The following TRABD2B variants were observed in gnomAD, a reference collection of about 807,000 sequenced individuals.
TRABD2B encodes metalloprotease TIKI2.
In TRABD2B, 14 loss-of-function variants were observed where a neutral mutation model predicts 40.1. The observed-to-expected ratio is 0.35, with a 90% CI of 0.23 to 0.55. The LOEUF is 0.55. TRABD2B is among the 20% of genes least tolerant of loss of function. TRABD2B has a pLI of 0.90. For synonymous variants in TRABD2B, 263 were observed against 277.0 expected, an observed-to-expected ratio of 0.95 and a Z score of 0.50; for missense variants, 541 against 648.6, an observed-to-expected ratio of 0.83 and a Z score of 1.80.
intron 2 of TRABD2B, among the ~76,000 whole-genome samples, chr1:47,808,285 A>T (rs184678369): frequency 4.7e-4 from 72 of 151,688 alleles, no homozygotes; most frequent in Middle Eastern, 3.4e-3. Flanking sequence ...AATGTCACCA[A>T]CACTACGTGT....
intron 2 of TRABD2B, among the ~76,000 whole-genome samples, chr1:47,950,877 C>T (rs949731317): frequency 1.3e-5 from 2 of 152,192 alleles, no homozygotes; most frequent in Non-Finnish European, 2.9e-5. Flanking sequence ...ACTCCACTGG[C>T]AGTGGTGAGG....
chr1:47,871,078 T>G (rs1400379243), intron 2 of TRABD2B, among the ~76,000 whole-genome samples: 1 of 152,200 alleles, frequency 6.6e-6, no homozygotes, highest in African/African-American at 2.4e-5. Flanking sequence ...TCTAAGTGCT[T>G]TACATGTGTT....
At chr1:47,880,235 G>C (rs1157363262) in intron 2 of TRABD2B, among the ~76,000 whole-genome samples, 1 of 152,158 alleles carries the variant, frequency 6.6e-6, no homozygotes, top group African/African-American at 2.4e-5. Context: ...AGAATTGCTT[G>C]AGCCCAGGAG....
At chr1:47,893,635 C>T (rs954854279) in intron 2 of TRABD2B, among the ~76,000 whole-genome samples, 1 of 152,142 alleles carries the variant, frequency 6.6e-6, no homozygotes, top group African/African-American at 2.4e-5. Context: ...AGAGGGGAGC[C>T]CTTGTGTTTG....
chr1:47,976,917 C>A (rs1645763932), intron 2 of TRABD2B, among the ~76,000 whole-genome samples: 1 of 152,114 alleles, frequency 6.6e-6, no homozygotes, highest in Non-Finnish European at 1.5e-5. Context: ...AGTGGTAACA[C>A]CTTACATAAC....
At chr1:47,772,490 T>C (rs957547930) in intron 6 of TRABD2B, among the ~76,000 whole-genome samples, 2 of 151,632 alleles carry the variant, frequency 1.3e-5, no homozygotes, top group Non-Finnish European at 2.9e-5. Flanking sequence ...GGGGGCACTG[T>C]AGGACCCCAG....
rs139821820 is a variant in TRABD2B at position 47,782,596 on chromosome 1, C to T, written c.989-4052G>A. On this transcript the variant is annotated intron_variant, in intron 4 of 6. Coordinates refer to ENST00000606738, the MANE Select transcript of TRABD2B (RefSeq NM_001194986.2). ...TCCATATCCTTTCCATGATCTCATCCTATCCCCAGGAGACCTGAGCTCATG... is the reference window on the plus strand; with the variant it reads ...TCCATATCCTTTCCATGATCTCATCTTATCCCCAGGAGACCTGAGCTCATG... 2.4e-3 allele frequency among the ~76,000 whole-genome samples: 367 copies of T among 152,298 alleles called. 3 individuals carry two copies. Among genetic ancestry groups the T allele is most frequent in the African/African-American group, 8.3e-3 (346 of 41,556 alleles).
chr1:47,978,128 T>G (rs940210767), intron 2 of TRABD2B, among the ~76,000 whole-genome samples: 1 of 152,130 alleles, frequency 6.6e-6, no homozygotes, highest in Non-Finnish European at 1.5e-5. Flanking sequence ...GGGGAGGTCA[T>G]TAGGTCTTGA....
chr1:47,938,871 T>G (rs923575281), intron 2 of TRABD2B, among the ~76,000 whole-genome samples: 1 of 152,110 alleles, frequency 6.6e-6, no homozygotes, highest in Non-Finnish European at 1.5e-5. Context: ...AGGAGGAGGA[T>G]AAGAGGTTGA....
rs1365892342 is a variant in TRABD2B at position 47,996,720 on chromosome 1, G to C, written c.70C>G (p.Pro24Ala). 3 of 1,228,534 alleles carry C rather than the reference G, an allele frequency of 2.4e-6. No individual in the cohort carries two copies. The East Asian group carries it at 9.6e-5, about 39-fold the overall frequency. 76.1% of individuals were successfully genotyped at this position (1,228,534 alleles called of 1,614,324 possible). ...GGCGGCCGGCACTGTCCTCCGTCCG[G>C]GGGCTGCGGGCGGGCGCGAGCGGTG... ...LATARARPQP[P>A]DGGQCRPPGS... is the part of the protein sequence containing the mutation. Residue 24 changes from proline (P) to alanine (A), a missense_variant, in exon 1 of 7, where the codon CCG becomes GCG. Pro to Ala is a conservative substitution (Grantham distance 27, BLOSUM62 -1). This residue lies in a region of TRABD2B where 369 missense variants were observed against 492.8 expected (regional missense o/e 0.75). Transcript: ENST00000606738. This position sits in a 1 kb window ranked among gnomAD's most constrained non-coding sequence, Gnocchi z 4.6.
chr1:47,907,059 C>T (rs1431733531), intron 2 of TRABD2B, among the ~76,000 whole-genome samples: 3 of 152,164 alleles, frequency 2.0e-5, no homozygotes, highest in African/African-American at 2.4e-5. Flanking sequence ...CGGCCGCTGG[C>T]GTGGGGAGGG....
rs1288855149 is a variant in TRABD2B at position 47,761,707 on chromosome 1, G to A, written c.*4195C>T. 1 of 152,242 alleles carries A rather than the reference G, an allele frequency of 6.6e-6. No homozygotes were observed. Among genetic ancestry groups the A allele is most frequent in the Non-Finnish European group, 1.5e-5 (1 of 68,074 alleles). The allele number at this position is 152,242 out of a possible 1,614,324, so 9.4% of individuals were successfully genotyped here. A position where few individuals can be genotyped will look rare whatever the true frequency, so the allele number is the denominator to read the frequency against. On this transcript the variant is annotated 3_prime_UTR_variant, in exon 7 of 7. Coordinates refer to ENST00000606738, the MANE Select transcript of TRABD2B (RefSeq NM_001194986.2). ...TCTCCTACCACTTCTTCAGCCAGTG[G>A]GCACACTGCCCCTGCTCAAACACCT... is the stretch of plus-strand genomic sequence containing the variant.
intron 2 of TRABD2B, among the ~76,000 whole-genome samples, chr1:47,839,609 T>A (rs533266453): frequency 6.6e-6 from 1 of 152,060 alleles, no homozygotes; most frequent in Non-Finnish European, 1.5e-5. Flanking sequence ...ACACCTCTGA[T>A]GGGAAGGGCA....
At position 47,956,953 on chromosome 1, in the gene TRABD2B, C is replaced by G. The variant is rs529701540; in HGVS notation, c.666+37081G>C. Among the ~76,000 whole-genome samples, 3 of 152,356 alleles carry G rather than the reference C, an allele frequency of 2.0e-5. No homozygotes were observed. The East Asian group carries it at 5.8e-4, about 29-fold the overall frequency. Reference sequence around the variant, plus strand: ...TGAGTAGCCTAACTGGGAGGCACCTCCCACTAGGGGCTGACTGACACCTCA... The same window carrying G: ...TGAGTAGCCTAACTGGGAGGCACCTGCCACTAGGGGCTGACTGACACCTCA... On this transcript the variant is annotated intron_variant, in intron 2 of 6. Transcript: ENST00000606738.
At chr1:47,834,358 T>C (rs1482159576) in intron 2 of TRABD2B, among the ~76,000 whole-genome samples, 1 of 152,212 alleles carries the variant, frequency 6.6e-6, no homozygotes, top group African/African-American at 2.4e-5. Context: ...ACATGGGCTC[T>C]GAGAAGCTCC....
chr1:47,881,102 G>C (rs892229423), intron 2 of TRABD2B, among the ~76,000 whole-genome samples: 1 of 152,202 alleles, frequency 6.6e-6, no homozygotes, highest in African/African-American at 2.4e-5. Flanking sequence ...GGCCTCCACA[G>C]CCAAGAATCT....
intron 2 of TRABD2B, among the ~76,000 whole-genome samples, chr1:47,896,625 A>T (rs1465076561): frequency 6.6e-6 from 1 of 152,112 alleles, no homozygotes; most frequent in African/African-American, 2.4e-5. Flanking sequence ...AGGCTTGGGG[A>T]ACTGGGCTTG....
intron 2 of TRABD2B, among the ~76,000 whole-genome samples, chr1:47,916,222 C>G (rs1476994372): frequency 6.6e-6 from 1 of 152,122 alleles, no homozygotes; most frequent in Non-Finnish European, 1.5e-5. Context: ...GAGGCCCAGC[C>G]CTTACAGAAG....
chr1:47,805,004 TACCC>T (rs1487854550), intron 2 of TRABD2B, among the ~76,000 whole-genome samples: 1 of 152,152 alleles, frequency 6.6e-6, no homozygotes, highest in African/African-American at 2.4e-5. Context: ...AACCCACAGG[TACCC>T]TGGAGCCTAG....
Sources: gnomAD v4.1 joint callset for allele counts (sites outside exome capture counted in the v4.1 genomes callset) on GRCh38, gnomAD v4.1.1 for gene constraint, gnomAD v4.1.1 regional missense constraint, Gnocchi (gnomAD v3.1) non-coding constraint, MANE v1.5 for transcripts, NCBI Gene and HGNC (gene_info 2026-07-23, HGNC 2026-07-21) for gene names.